TAPT1: variants seen among roughly 807,000 people sequenced by gnomAD.
The protein encoded by TAPT1 is transmembrane anterior posterior transformation 1.
TAPT1 carries 28 observed loss-of-function variants against 65.6 expected under a neutral mutation model. That is an observed-to-expected ratio of 0.43 (90% confidence interval 0.32 to 0.59). The LOEUF is 0.59. Among genes scored for constraint, TAPT1 ranks in the 20% least tolerant of loss-of-function variants. The probability of loss-of-function intolerance (pLI) is 0.09; values close to 1 mark genes in which losing one functional copy is unlikely to be tolerated. For synonymous variants in TAPT1, 278 were observed against 245.2 expected (o/e 1.13, Z -1.25); for missense variants, 563 against 679.9 (o/e 0.83, Z 1.91).
At chr4:16,202,076 A>G (rs1023713881) in intron 3 of TAPT1, among the ~76,000 whole-genome samples, 1 of 152,078 alleles carries the variant, frequency 6.6e-6, no homozygotes, top group African/African-American at 2.4e-5. Flanking sequence ...CCAGCCTAGA[A>G]CCCTGTCCTT....
chr4:16,191,814 C>T (rs1206365296), intron 3 of TAPT1, among the ~76,000 whole-genome samples: 2 of 152,208 alleles, frequency 1.3e-5, no homozygotes, highest in African/African-American at 4.8e-5. Context: ...TTTCCAGCAA[C>T]AGATTTCCAC....
At chr4:16,186,738 T>C in intron 6 of TAPT1, 43 bp downstream of exon 6, 1 of 1,465,902 alleles carries the variant, frequency 6.8e-7, no homozygotes, top group Non-Finnish European at 9.5e-7. Context: ...GCAGCTGAAA[T>C]GCCTGTATAA....
intron 7 of TAPT1, among the ~76,000 whole-genome samples, chr4:16,184,466 A>G (rs1748886928): frequency 6.6e-6 from 1 of 152,236 alleles, no homozygotes; most frequent in East Asian, 1.9e-4. Flanking sequence ...CAAAGCTGCC[A>G]TAATAATTCT....
At chr4:16,180,246 G>A (rs984898988) in intron 7 of TAPT1, among the ~76,000 whole-genome samples, 4 of 152,186 alleles carry the variant, frequency 2.6e-5, no homozygotes, top group African/African-American at 9.7e-5. Context: ...TGTGTGCTGA[G>A]ATTAGGTGGA....
Position 16,188,187 on chromosome 4 carries a change from T to C in TAPT1, c.748+33A>G, listed in dbSNP as rs1203657309. ...AAAATAAGGTAGACTATGCATTAAC[T>C]GTCGGAAATTTCCAGTAGGTCTATA... On this transcript the variant is annotated intron_variant, in intron 5 of 13. Transcript: ENST00000405303. 4 of 1,566,562 alleles carry C rather than the reference T, an allele frequency of 2.6e-6. No homozygotes were observed. The Admixed American group carries it at 6.1e-5, about 24-fold the overall frequency.
In TAPT1 at chr4:16,174,682, G is replaced by A. The variant is rs764162606; in HGVS notation, c.1155C>T (p.Ser385=). 3 of 1,592,266 alleles carry A rather than the reference G, an allele frequency of 1.9e-6. No homozygotes were observed. Among genetic ancestry groups the A allele is most frequent in the Non-Finnish European group, 2.6e-6 (3 of 1,168,750 alleles). The change falls in exon 10 of 14, where the codon AGC becomes AGT. Residue 385 remains serine (S), a synonymous_variant. Coordinates refer to ENST00000405303, the MANE Select transcript of TAPT1 (RefSeq NM_153365.3). ...RASLAFDLVS[S]RQKNAYTDYS... ...GATAAATGCTCACATTTTTCTGTCGGCTGCTAACAAGGTCAAAAGCAAGAC... is the reference window on the plus strand; with the variant it reads ...GATAAATGCTCACATTTTTCTGTCGACTGCTAACAAGGTCAAAAGCAAGAC...
At chr4:16,178,955 G>T (rs7667725) in intron 8 of TAPT1, 2 of 152,146 alleles carry the variant, frequency 1.3e-5, no homozygotes, top group African/African-American at 2.4e-5. Context: ...GCTCAGAGCT[G>T]CCAGGCATAA....
At chr4:16,167,316 T>C (rs1560149096) in intron 12 of TAPT1, among the ~76,000 whole-genome samples, 2 of 152,150 alleles carry the variant, frequency 1.3e-5, no homozygotes, top group Non-Finnish European at 2.9e-5. Context: ...TAAGAAATTA[T>C]ACCATTTAGA....
rs553502719 is a variant in TAPT1 at position 16,179,807 on chromosome 4, T to A, written c.917-150A>T. The A allele has an allele frequency of 8.9e-3, 2,447 of 275,512 alleles. 7 individuals are homozygous for A. The highest frequency in any genetic ancestry group is 0.013 in the Middle Eastern group (12 of 912). 17.1% of individuals were successfully genotyped at this position (275,512 alleles called of 1,614,324 possible). A position where few individuals can be genotyped will look rare whatever the true frequency, so the allele number is the denominator to read the frequency against. On this transcript the variant is annotated intron_variant, in intron 7 of 13. Coordinates refer to ENST00000405303, the MANE Select transcript of TAPT1 (RefSeq NM_153365.3). The stretch of plus-strand genomic sequence containing the variant: ...ACAACTTTATATATATATATATGTG[T>A]GTGTGTGTGTGTGTGTGTGTATATA...
intron 7 of TAPT1, among the ~76,000 whole-genome samples, chr4:16,185,327 G>A (rs1748943050): frequency 6.6e-6 from 1 of 151,600 alleles, no homozygotes; most frequent in African/African-American, 2.4e-5. Flanking sequence ...TGAATAGGGA[G>A]AGACATAATC....
At position 16,162,565 on chromosome 4, in the gene TAPT1, G is replaced by A. The variant is rs553930893; in HGVS notation, c.*743C>T. On this transcript the variant is annotated 3_prime_UTR_variant, in exon 14 of 14. Transcript: ENST00000405303. ...GGTGTAAAAAGTGCCCTTTTGTAAG[G>A]AAATTTGTTTTATCCACCAATTAAA... is the stretch of plus-strand genomic sequence containing the variant. 31 of 116,148 alleles carry A rather than the reference G, an allele frequency of 2.7e-4. No individual in the cohort carries two copies. The highest frequency in any genetic ancestry group is 0.01 in the Middle Eastern group (2 of 196). The allele number at this position is 116,148 out of a possible 1,614,324, so 7.2% of individuals were successfully genotyped here.
At chr4:16,207,220 G>A (rs540322357) in intron 2 of TAPT1, among the ~76,000 whole-genome samples, 1 of 152,320 alleles carries the variant, frequency 6.6e-6, no homozygotes, top group African/African-American at 2.4e-5. Flanking sequence ...ATCAGAAACT[G>A]ACTAGGATGC....
At chr4:16,221,288 G>A (rs1344052245) in intron 1 of TAPT1, among the ~76,000 whole-genome samples, 2 of 151,538 alleles carry the variant, frequency 1.3e-5, no homozygotes, top group Non-Finnish European at 2.9e-5. Context: ...TCCACGCCCA[G>A]CTAATTTTTT....
intron 1 of TAPT1, among the ~76,000 whole-genome samples, chr4:16,221,514 T>C (rs573998640): frequency 1.3e-5 from 2 of 152,326 alleles, no homozygotes; most frequent in South Asian, 4.1e-4. Flanking sequence ...ATAGTATAAA[T>C]TGCTTTTTCT....
At chr4:16,172,671 A>C (rs1471766445) in intron 11 of TAPT1, among the ~76,000 whole-genome samples, 1 of 151,952 alleles carries the variant, frequency 6.6e-6, no homozygotes, top group Non-Finnish European at 1.5e-5. Context: ...TCTGTCATCT[A>C]AAAAAAAGTC....
intron 7 of TAPT1, among the ~76,000 whole-genome samples, chr4:16,181,729 G>A (rs902668443): frequency 1.3e-5 from 2 of 152,038 alleles, no homozygotes; most frequent in Non-Finnish European, 2.9e-5. Context: ...CACCATGCCC[G>A]GCTAATTTTT....
intron 1 of TAPT1, among the ~76,000 whole-genome samples, chr4:16,217,930 C>G (rs1169889106): frequency 6.6e-6 from 1 of 152,132 alleles, no homozygotes; most frequent in South Asian, 2.1e-4. Context: ...GAACAGGGTA[C>G]CATGATGCAG....
At chr4:16,176,363 A>G (rs1289579780) in intron 8 of TAPT1, 135 bp from the exon 9 acceptor site, 3 of 562,714 alleles carry the variant, frequency 5.3e-6, no homozygotes, top group Admixed American at 7.1e-5. Flanking sequence ...GCATTCAATT[A>G]TAACCTTTAT....
At chr4:16,164,332 TACA>T (rs990713869) in intron 13 of TAPT1, among the ~76,000 whole-genome samples, 4 of 152,192 alleles carry the variant, frequency 2.6e-5, no homozygotes, top group South Asian at 2.1e-4. Flanking sequence ...TTGTCTCTTT[TACA>T]ACGTGATGAA....
Sources: allele counts gnomAD v4.1 joint callset (sites outside exome capture counted in the v4.1 genomes callset), GRCh38; gene constraint gnomAD v4.1.1; transcripts MANE v1.5; gene names NCBI Gene and HGNC (gene_info 2026-07-23, HGNC 2026-07-21).